The following SUMF1 variants were observed in gnomAD, a reference collection of about 807,000 sequenced individuals.
The protein encoded by SUMF1 is formylglycine-generating enzyme.
A neutral mutation model predicts 47.6 loss-of-function variants in SUMF1; 48 were observed. That is an observed-to-expected ratio of 1.01 (90% CI 0.80 to 1.28). The LOEUF (loss-of-function observed/expected upper bound fraction) is 1.28, where lower values mean the gene tolerates loss of function less well. Among genes scored for constraint, SUMF1 ranks in the 50% most tolerant of loss-of-function variants. The probability of loss-of-function intolerance (pLI) is 0.00; values close to 1 mark genes in which losing one functional copy is unlikely to be tolerated. For missense variants in SUMF1, 571 were observed against 485.4 expected (o/e 1.18, Z -1.66); for synonymous variants, 230 against 192.1 (o/e 1.20, Z -1.63).
At chr3:4,248,543 G>C (rs1205604893) in intron 8 of SUMF1, among the ~76,000 whole-genome samples, 2 of 152,130 alleles carry the variant, frequency 1.3e-5, no homozygotes, top group Non-Finnish European at 2.9e-5. Context: ...AGAAGCTTTA[G>C]ACATAATTGA....
intron 4 of SUMF1, among the ~76,000 whole-genome samples, chr3:4,419,682 A>C (rs1364462736): frequency 6.6e-6 from 1 of 152,078 alleles, no homozygotes; most frequent in Non-Finnish European, 1.5e-5. Context: ...ACCTGGGAGG[A>C]CACAATTACT....
At chr3:4,100,115 CCAAAG>C (rs1559470083) in intron 8 of SUMF1, among the ~76,000 whole-genome samples, 1 of 150,760 alleles carries the variant, frequency 6.6e-6, no homozygotes, top group African/African-American at 2.4e-5. Flanking sequence ...TCTATAGTAA[CCAAAG>C]CAATCTACAA....
At chr3:4,400,038 C>T (rs550650006) in intron 7 of SUMF1, among the ~76,000 whole-genome samples, 1 of 152,282 alleles carries the variant, frequency 6.6e-6, no homozygotes, top group South Asian at 2.1e-4. Context: ...TGCACCCAGC[C>T]GAGAGCCTAA....
At chr3:4,436,601 A>T (rs1575219594) in intron 3 of SUMF1, among the ~76,000 whole-genome samples, 2 of 69,156 alleles carry the variant, frequency 2.9e-5, no homozygotes, top group East Asian at 2.0e-4. Flanking sequence ...GTTGTTAATT[A>T]AAAAAAAAAA....
intron 8 of SUMF1, among the ~76,000 whole-genome samples, chr3:4,174,166 C>T (rs1694902297): frequency 6.6e-6 from 1 of 151,822 alleles, no homozygotes; most frequent in South Asian, 2.1e-4. Flanking sequence ...AGCATCCTGG[C>T]TAACATGGTG....
chr3:4,265,802 C>A (rs982012578), intron 8 of SUMF1, among the ~76,000 whole-genome samples: 3 of 152,148 alleles, frequency 2.0e-5, no homozygotes, highest in Admixed American at 2.0e-4. Context: ...GAAGTCCTTG[C>A]CTGTGCCTAT....
intron 8 of SUMF1, among the ~76,000 whole-genome samples, chr3:4,113,732 CATGTGGCACAATTA>C (rs1380716801): frequency 6.6e-6 from 1 of 152,004 alleles, no homozygotes; most frequent in African/African-American, 2.4e-5. Flanking sequence ...AGTCTCTCTT[CATGTGGCACAATTA>C]CGATGTACCA....
intron 9 of SUMF1, among the ~76,000 whole-genome samples, chr3:4,036,734 C>T (rs1377962131): frequency 6.6e-6 from 1 of 151,184 alleles, no homozygotes; most frequent in African/African-American, 2.4e-5. Context: ...AATGTTCTGT[C>T]TCTACCTCAA....
Position 4,305,485 on chromosome 3 carries a change from C to G in SUMF1, c.1014+70845G>C, listed in dbSNP as rs535709469. Among the ~76,000 whole-genome samples, 13 of 152,148 alleles carry G rather than the reference C, an allele frequency of 8.5e-5. No homozygotes were observed. The South Asian group carries it at 2.7e-3, about 32-fold the overall frequency. On this transcript the variant is annotated intron_variant and NMD_transcript_variant, in intron 8 of 12. Transcript: ENST00000448413. The stretch of plus-strand genomic sequence containing the variant: ...TCTTATCTAACTTAAAAAGGTGCCT[C>G]GGTCTTAGTTGATTATCTCCTTGTT...
chr3:4,276,159 C>G (rs946686196), intron 8 of SUMF1, among the ~76,000 whole-genome samples: 4 of 152,056 alleles, frequency 2.6e-5, no homozygotes, highest in African/African-American at 9.7e-5. Context: ...CAGCATCATT[C>G]TCTGATAAGA....
chr3:4,435,086 C>T (rs184692523), intron 3 of SUMF1, among the ~76,000 whole-genome samples: 4 of 152,098 alleles, frequency 2.6e-5, no homozygotes, highest in Admixed American at 1.3e-4. Context: ...ACCACCACAC[C>T]CGGCTGATTT....
intron 9 of SUMF1, among the ~76,000 whole-genome samples, chr3:4,062,041 T>A (rs795726): frequency 0.98 from 148,602 of 152,008 alleles, 72,710 homozygotes; most frequent in Middle Eastern, 1. Flanking sequence ...TCTCACCCTC[T>A]CTCTCCTACA....
chr3:4,289,906 T>A (rs998964369), intron 8 of SUMF1, among the ~76,000 whole-genome samples: 5 of 152,226 alleles, frequency 3.3e-5, no homozygotes, highest in Admixed American at 1.3e-4. Context: ...ATAAATTGTG[T>A]TATCAACAAA....
chr3:4,336,358 T>G (rs572346989), intron 8 of SUMF1, among the ~76,000 whole-genome samples: 107 of 152,138 alleles, frequency 7.0e-4, no homozygotes, highest in African/African-American at 2.5e-3. Flanking sequence ...AAAGAGGGAG[T>G]GTGGAAGAGT....
At chr3:4,214,737 C>G (rs1340235576) in intron 8 of SUMF1, among the ~76,000 whole-genome samples, 5 of 151,924 alleles carry the variant, frequency 3.3e-5, no homozygotes, top group Non-Finnish European at 7.4e-5. Context: ...CCACAGAAAT[C>G]CAAACCACCA....
At chr3:4,208,857 T>C (rs957981672) in intron 8 of SUMF1, among the ~76,000 whole-genome samples, 8 of 151,918 alleles carry the variant, frequency 5.3e-5, no homozygotes, top group African/African-American at 1.5e-4. Context: ...ATATGCACAA[T>C]GGGAATATCA....
chr3:4,401,257 T>C (rs780481213), intron 7 of SUMF1, among the ~76,000 whole-genome samples: 6 of 152,136 alleles, frequency 3.9e-5, no homozygotes, highest in Non-Finnish European at 7.4e-5. Context: ...CTCTTGTGAA[T>C]AGTGCCACAA....
intron 8 of SUMF1, among the ~76,000 whole-genome samples, chr3:4,110,792 A>G (rs995254220): frequency 2.2e-5 from 3 of 137,902 alleles, no homozygotes; most frequent in Non-Finnish European, 3.0e-5. Flanking sequence ...GAATTGAACA[A>G]TGAGAACACT....
chr3:4,146,447 C>A (rs926481441), intron 8 of SUMF1, among the ~76,000 whole-genome samples: 2 of 151,962 alleles, frequency 1.3e-5, no homozygotes, highest in African/African-American at 2.4e-5. Flanking sequence ...TACTTTCCAA[C>A]CTTCCACATG....
Sources: gnomAD v4.1 joint callset for allele counts (sites outside exome capture counted in the v4.1 genomes callset) on GRCh38, gnomAD v4.1.1 for gene constraint, MANE v1.5 for transcripts, NCBI Gene and HGNC (gene_info 2026-07-23, HGNC 2026-07-21) for gene names.